Variants in UVRAG observed in about 807,000 individuals in gnomAD.
The protein encoded by UVRAG is UV radiation resistance-associated gene protein.
UVRAG carries 19 observed loss-of-function variants against 78.0 expected under a neutral mutation model. The ratio of observed to expected loss-of-function variants is 0.24; its 90% CI spans 0.17 to 0.36. The LOEUF is 0.36. Ranked by LOEUF, UVRAG falls within the 10% of genes least tolerant of loss-of-function variation. The pLI is 1.00. For synonymous variants in UVRAG, 323 were observed against 324.6 expected (o/e 1.00, Z 0.05); for missense variants, 740 against 853.8 (o/e 0.87, Z 1.66).
At chr11:75,979,287 C>T (rs979581753) in intron 7 of UVRAG, among the ~76,000 whole-genome samples, 3 of 152,232 alleles carry the variant, frequency 2.0e-5, no homozygotes, top group African/African-American at 7.2e-5. Context: ...TCGGCCCCTG[C>T]TGGGAGGTGC....
At chr11:75,910,441 C>A (rs1947709699) in intron 5 of UVRAG, among the ~76,000 whole-genome samples, 1 of 151,650 alleles carries the variant, frequency 6.6e-6, no homozygotes, top group African/African-American at 2.4e-5. Flanking sequence ...GAATTGGACT[C>A]CTGGTGGGTC....
chr11:76,019,479 C>T (rs1287474846), intron 12 of UVRAG, among the ~76,000 whole-genome samples: 2 of 152,206 alleles, frequency 1.3e-5, no homozygotes, highest in East Asian at 3.8e-4. Flanking sequence ...TTATACCTGT[C>T]TTTCTTGGGA....
chr11:75,849,823 C>G (rs904542997), intron 1 of UVRAG, among the ~76,000 whole-genome samples: 3 of 152,316 alleles, frequency 2.0e-5, no homozygotes, highest in African/African-American at 7.2e-5. Flanking sequence ...GAAAGTTCTC[C>G]AGGTTCTAGG....
At chr11:75,936,229 C>T (rs1279168344) in intron 6 of UVRAG, among the ~76,000 whole-genome samples, 1 of 152,198 alleles carries the variant, frequency 6.6e-6, no homozygotes, top group Non-Finnish European at 1.5e-5. Context: ...CATGTTTCTT[C>T]TCTGTGAAGT....
At chr11:75,877,701 C>T (rs1227620251) in intron 3 of UVRAG, among the ~76,000 whole-genome samples, 1 of 138,724 alleles carries the variant, frequency 7.2e-6, no homozygotes, top group Non-Finnish European at 1.6e-5. Flanking sequence ...AGGCGCCCCT[C>T]ACCTCCTGGA....
At chr11:76,045,097 A>G (rs1243129925) in intron 12 of UVRAG, among the ~76,000 whole-genome samples, 1 of 152,216 alleles carries the variant, frequency 6.6e-6, no homozygotes, top group African/African-American at 2.4e-5. Context: ...TCAGGCAACT[A>G]CCTTTCACTT....
intron 13 of UVRAG, among the ~76,000 whole-genome samples, chr11:76,069,378 A>C (rs1951258361): frequency 6.6e-6 from 1 of 152,206 alleles, no homozygotes; most frequent in African/African-American, 2.4e-5. Context: ...ATATTTGTTA[A>C]GTGCCAGCCT....
At chr11:75,927,777 G>T (rs979526079) in intron 6 of UVRAG, among the ~76,000 whole-genome samples, 1 of 152,186 alleles carries the variant, frequency 6.6e-6, no homozygotes, top group South Asian at 2.1e-4. Flanking sequence ...AATGAGTTTG[G>T]TTTGTTACAA....
chr11:75,863,475 TATAATAGACCCTATGTCATA>T lies in UVRAG; in HGVS notation c.270+1718_270+1737del, dbSNP rs534616644. 5.9e-5 allele frequency among the ~76,000 whole-genome samples: 9 copies of T among 152,334 alleles called. No homozygotes were observed. In the East Asian group the frequency reaches 9.6e-4, roughly 16 times the overall value. ...CATTGCTTTTCCCCCAGATTTGTGT[TATAATAGACCCTATGTCATA>T]ATAATAGACCCTATGTCATAATGGC... is the stretch of plus-strand genomic sequence containing the variant. On this transcript the variant is annotated intron_variant, in intron 3 of 14. Transcript: ENST00000356136.
At chr11:75,936,461 T>C (rs1457254687) in intron 6 of UVRAG, among the ~76,000 whole-genome samples, 2 of 152,236 alleles carry the variant, frequency 1.3e-5, no homozygotes, top group Admixed American at 6.5e-5. Flanking sequence ...AGCTTTCAGC[T>C]TTTTCTGTTT....
chr11:75,975,484 C>A (rs1949219707), intron 7 of UVRAG, among the ~76,000 whole-genome samples: 2 of 152,154 alleles, frequency 1.3e-5, no homozygotes, highest in African/African-American at 2.4e-5. Context: ...GATATTGATT[C>A]TTCCTATCCA....
At position 76,012,156 on chromosome 11, in the gene UVRAG, A is replaced by T. The variant is rs148605936; in HGVS notation, c.1060+3289A>T. Among the ~76,000 whole-genome samples, 20 of 152,194 alleles carry T rather than the reference A, an allele frequency of 1.3e-4. No homozygotes were observed. In the East Asian group the frequency reaches 3.3e-3, roughly 25 times the overall value. On this transcript the variant is annotated intron_variant, in intron 11 of 14. Coordinates refer to ENST00000356136, the MANE Select transcript of UVRAG (RefSeq NM_003369.4). ...AGCTATGATTTTGCCACTGTACTCC[A>T]GTCTAGGTGACAGAGTGAGAACCCA...
Position 76,116,865 on chromosome 11 carries a change from T to TA in UVRAG, c.1397+857dup, listed in dbSNP as rs1397463796. On this transcript the variant is annotated intron_variant, in intron 14 of 14. Coordinates refer to ENST00000356136, the MANE Select transcript of UVRAG (RefSeq NM_003369.4). Reference sequence around the variant, plus strand: ...CTCTGCTGATGTGCCTTCAGAAAAGTAAAAAAACTGTGGTTGGTCTTTACT... The same window carrying TA: ...CTCTGCTGATGTGCCTTCAGAAAAGTAAAAAAAACTGTGGTTGGTCTTTACT... Among the ~76,000 whole-genome samples, 12 of 152,220 alleles carry TA rather than the reference T, an allele frequency of 7.9e-5. No homozygotes were observed. In the East Asian group the frequency reaches 1.7e-3, roughly 22 times the overall value.
intron 5 of UVRAG, among the ~76,000 whole-genome samples, chr11:75,894,022 A>T (rs922755122): frequency 3.3e-5 from 5 of 152,192 alleles, no homozygotes; most frequent in Non-Finnish European, 5.9e-5. Flanking sequence ...TGCACATAGA[A>T]GATGATACCA....
intron 12 of UVRAG, among the ~76,000 whole-genome samples, chr11:76,044,638 G>A (rs1331942319): frequency 6.6e-6 from 1 of 152,130 alleles, no homozygotes; most frequent in Non-Finnish European, 1.5e-5. Flanking sequence ...GCCGGGCATG[G>A]CAGCATGTGC....
At chr11:76,064,086 A>G (rs1951143069) in intron 12 of UVRAG, among the ~76,000 whole-genome samples, 1 of 152,260 alleles carries the variant, frequency 6.6e-6, no homozygotes, top group Non-Finnish European at 1.5e-5. Flanking sequence ...CACTGAAGTC[A>G]TAATAAAGTC....
intron 1 of UVRAG, among the ~76,000 whole-genome samples, chr11:75,821,213 A>G (rs571562265): frequency 1.8e-4 from 27 of 152,250 alleles, no homozygotes; most frequent in African/African-American, 5.8e-4. Context: ...TCACTTTGCA[A>G]TGTTTTCAAG....
chr11:76,061,446 T>G (rs1056983785), intron 12 of UVRAG, among the ~76,000 whole-genome samples: 1 of 152,160 alleles, frequency 6.6e-6, no homozygotes, highest in Non-Finnish European at 1.5e-5. Flanking sequence ...GTGGAAGCTT[T>G]GTTGTTTCGT....
chr11:75,899,299 G>T (rs559721333), intron 5 of UVRAG, among the ~76,000 whole-genome samples: 7 of 151,932 alleles, frequency 4.6e-5, no homozygotes, highest in South Asian at 4.1e-4. Context: ...TAAGTATAGA[G>T]CTTTTATTTA....
Sources: allele counts gnomAD v4.1 joint callset (sites outside exome capture counted in the v4.1 genomes callset), GRCh38; gene constraint gnomAD v4.1.1; transcripts MANE v1.5; gene names NCBI Gene and HGNC (gene_info 2026-07-23, HGNC 2026-07-21).